Variants in FRMPD4 observed in about 807,000 individuals in gnomAD.
FRMPD4 encodes the protein FERM and PDZ domain containing 4, also known as FERM and PDZ domain-containing protein 4.
A neutral mutation model predicts 94.1 loss-of-function variants in FRMPD4; 22 were observed. That is an observed-to-expected ratio of 0.23 (90% CI 0.17 to 0.33). FRMPD4 has a LOEUF of 0.33. Among genes scored for constraint, FRMPD4 ranks in the 10% least tolerant of loss-of-function variants. FRMPD4 has a pLI of 1.00. For missense variants in FRMPD4, 1,111 were observed against 1,339.9 expected (o/e 0.83, Z 2.67); for synonymous variants, 631 against 548.6 (o/e 1.15, Z -2.10).
At chrX:12,272,766 A>G (rs1402282661) in intron 1 of FRMPD4, among the ~76,000 whole-genome samples, 19 of 111,892 alleles carry the variant, frequency 1.7e-4, no homozygotes, top group Admixed American at 1.3e-3. Flanking sequence ...CTTGCATGAA[A>G]CAAAAGCTTA....
chrX:11,967,279 A>T (rs769847394), intron 3 of FRMPD4, among the ~76,000 whole-genome samples: 1 of 111,478 alleles, frequency 9.0e-6, no homozygotes, highest in East Asian at 2.8e-4. Context: ...AACATATCTT[A>T]TCCATGTTGT....
chrX:12,461,002 ACTCT>A (rs1322732822), intron 1 of FRMPD4, among the ~76,000 whole-genome samples: 4 of 111,729 alleles, frequency 3.6e-5, no homozygotes, highest in Admixed American at 9.5e-5. Context: ...GTATGAAAAT[ACTCT>A]CTCTTATACA....
intron 3 of FRMPD4, among the ~76,000 whole-genome samples, chrX:11,972,787 A>T (rs1375733616): frequency 1.8e-5 from 2 of 112,635 alleles, no homozygotes; most frequent in Non-Finnish European, 3.8e-5. Context: ...AGAAATTTAG[A>T]AATCATTTTC....
intron 3 of FRMPD4, among the ~76,000 whole-genome samples, chrX:11,962,022 C>G (rs1038875088): frequency 1.8e-5 from 2 of 112,479 alleles, no homozygotes; most frequent in Admixed American, 9.4e-5. Flanking sequence ...GCTACTACAA[C>G]CTCTAAGGCC....
intron 1 of FRMPD4, among the ~76,000 whole-genome samples, chrX:12,250,321 G>C (rs184330387): frequency 9.0e-6 from 1 of 111,486 alleles, no homozygotes; most frequent in African/African-American, 3.3e-5. Context: ...CAGTTTGAGA[G>C]TTGCTTTTTA....
chrX:12,364,458 C>G (rs1018239997), intron 1 of FRMPD4, among the ~76,000 whole-genome samples: 1 of 110,944 alleles, frequency 9.0e-6, no homozygotes, highest in African/African-American at 3.3e-5. Context: ...AAGCAGGTGT[C>G]CTTGGTTTTC....
intron 10 of FRMPD4, among the ~76,000 whole-genome samples, chrX:12,702,608 A>G (rs2041807588): frequency 8.9e-6 from 1 of 112,304 alleles, no homozygotes; most frequent in Non-Finnish European, 1.9e-5. Flanking sequence ...GAAACTTCTC[A>G]TGGGCTGCCT....
At chrX:12,066,912 C>T (rs1437588244) in intron 3 of FRMPD4, among the ~76,000 whole-genome samples, 5 of 107,025 alleles carry the variant, frequency 4.7e-5, no homozygotes, top group African/African-American at 1.7e-4. Context: ...CTCCATCACC[C>T]AGGCTGGAGT....
intron 5 of FRMPD4, among the ~76,000 whole-genome samples, chrX:12,680,253 C>A (rs2059955314): frequency 8.9e-6 from 1 of 111,913 alleles, no homozygotes; most frequent in Admixed American, 9.4e-5. Flanking sequence ...AATTAATTAA[C>A]AGTAGGAGAA....
intron 1 of FRMPD4, among the ~76,000 whole-genome samples, chrX:12,495,746 T>TA (rs112217539): frequency 1.9e-4 from 21 of 109,250 alleles, no homozygotes; most frequent in East Asian, 5.6e-4. Context: ...ATAATAATAA[T>TA]AAAAAAAAAG....
chrX:11,895,974 C>T (rs1436726119), intron 3 of FRMPD4, among the ~76,000 whole-genome samples: 1 of 112,346 alleles, frequency 8.9e-6, no homozygotes, highest in African/African-American at 3.2e-5. Flanking sequence ...ACTCTTTCTG[C>T]TTTGGATGAC....
chrX:12,476,541 G>A (rs1204418257), intron 1 of FRMPD4, among the ~76,000 whole-genome samples: 4 of 110,631 alleles, frequency 3.6e-5, no homozygotes, highest in African/African-American at 1.3e-4. Flanking sequence ...TACAGTATGG[G>A]AGAACATTTT....
intron 14 of FRMPD4, among the ~76,000 whole-genome samples, chrX:12,713,502 G>GAA (rs1569070815): frequency 2.9e-5 from 3 of 102,940 alleles, no homozygotes; most frequent in African/African-American, 1.1e-4. Flanking sequence ...GAGAGAGAGA[G>GAA]AGACAGAGAG....
At position 11,997,066 on chromosome X, in the gene FRMPD4, G is replaced by A. The variant is rs766879209; in HGVS notation, c.95+119048G>A. ...GTTCTTCTGTCTAAACAAAGGCATG[G>A]CGTTGAGAATTAGCCTGGGATGCAA... On this transcript the variant is annotated intron_variant, in intron 3 of 18. Coordinates refer to the FRMPD4 transcript ENST00000640291. Among the ~76,000 whole-genome samples, 4 of 111,230 alleles carry A rather than the reference G, an allele frequency of 3.6e-5. No individual in the cohort carries two copies. In the South Asian group the frequency reaches 1.1e-3, roughly 32 times the overall value.
intron 1 of FRMPD4, among the ~76,000 whole-genome samples, chrX:11,848,072 A>T (rs368558113): frequency 1.2e-4 from 13 of 110,807 alleles, no homozygotes; most frequent in African/African-American, 3.3e-4. Context: ...AAAAAGAAAA[A>T]TAATATGATT....
At chrX:12,384,646 A>G (rs1396740433) in intron 1 of FRMPD4, among the ~76,000 whole-genome samples, 1 of 112,295 alleles carries the variant, frequency 8.9e-6, no homozygotes. Context: ...GAGTCATAGA[A>G]AGAGGTCACT....
At chrX:12,281,405 G>C (rs1286911571) in intron 1 of FRMPD4, among the ~76,000 whole-genome samples, 2 of 106,627 alleles carry the variant, frequency 1.9e-5, no homozygotes, top group Non-Finnish European at 3.9e-5. Flanking sequence ...GACAGAGACT[G>C]ACTCTGTTAC....
intron 1 of FRMPD4, among the ~76,000 whole-genome samples, chrX:12,193,063 C>T (rs554111579): frequency 9.0e-6 from 1 of 111,495 alleles, no homozygotes; most frequent in African/African-American, 3.3e-5. Context: ...TTTAAGGCAT[C>T]GGCAAAAATT....
chrX:12,587,311 C>T (rs918990081), intron 2 of FRMPD4, among the ~76,000 whole-genome samples: 5 of 111,889 alleles, frequency 4.5e-5, no homozygotes, highest in Non-Finnish European at 9.4e-5. Flanking sequence ...ATATACATAA[C>T]CTAAAATTTA....
Sources: gnomAD v4.1 joint callset for allele counts (sites outside exome capture counted in the v4.1 genomes callset) on GRCh38, gnomAD v4.1.1 for gene constraint, MANE v1.5 for transcripts, NCBI Gene and HGNC (gene_info 2026-07-23, HGNC 2026-07-21) for gene names.